Variants in FGF14 observed in about 807,000 individuals in gnomAD.
FGF14 encodes the protein fibroblast growth factor homologous factor 4.
Under a neutral mutation model 25.5 loss-of-function variants are expected in FGF14, and 5 were observed. The observed-to-expected ratio is 0.20, with a 90% CI of 0.10 to 0.41. FGF14 has a LOEUF of 0.41. FGF14 is among the 10% of genes least tolerant of loss of function. The pLI is 1.00. For missense variants in FGF14, 222 were observed against 320.1 expected, an observed-to-expected ratio of 0.69 and a Z score of 2.34; for synonymous variants, 138 against 118.3, an observed-to-expected ratio of 1.17 and a Z score of -1.08.
chr13:102,233,796 C>T (rs1319928620), intron 1 of FGF14, among the ~76,000 whole-genome samples: 1 of 152,210 alleles, frequency 6.6e-6, no homozygotes, highest in East Asian at 1.9e-4. Flanking sequence ...AGGAAGCTTA[C>T]TGTTGTTGAC....
chr13:101,908,243 T>G (rs1392193581), intron 1 of FGF14, among the ~76,000 whole-genome samples: 1 of 152,166 alleles, frequency 6.6e-6, no homozygotes, highest in Non-Finnish European at 1.5e-5. Flanking sequence ...TTCAGCCTTG[T>G]AAGTGCAGGC....
chr13:102,185,783 G>T (rs546634067), intron 1 of FGF14, among the ~76,000 whole-genome samples: 1 of 152,248 alleles, frequency 6.6e-6, no homozygotes, highest in African/African-American at 2.4e-5. Flanking sequence ...CAGTCCCTTG[G>T]CTCACAAATC....
chr13:101,906,937 T>G (rs531301775), intron 1 of FGF14, among the ~76,000 whole-genome samples: 1 of 152,232 alleles, frequency 6.6e-6, no homozygotes, highest in African/African-American at 2.4e-5. Context: ...GAAAATGAAC[T>G]ATGATAAACG....
At chr13:101,840,784 T>C (rs2043158727) in intron 3 of FGF14, among the ~76,000 whole-genome samples, 1 of 152,014 alleles carries the variant, frequency 6.6e-6, no homozygotes, top group African/African-American at 2.4e-5. Flanking sequence ...ATCTTAACTA[T>C]TCAAACCTAT....
intron 1 of FGF14, among the ~76,000 whole-genome samples, chr13:102,240,803 T>G (rs2051561001): frequency 1.3e-5 from 2 of 152,176 alleles, no homozygotes; most frequent in Non-Finnish European, 2.9e-5. Context: ...AGATGCAAAC[T>G]TTAATGGAAT....
In FGF14 at chr13:102,250,810, C is replaced by T. The variant is rs145456183; in HGVS notation, c.208+150661G>A. 1.1e-4 allele frequency among the ~76,000 whole-genome samples: 17 copies of T among 152,242 alleles called. No individual in the cohort carries two copies. In the East Asian group the frequency reaches 2.9e-3, roughly 26 times the overall value. On this transcript the variant is annotated intron_variant, in intron 1 of 4. Transcript: ENST00000376131. ...TTGGCATATTACTAAATCTCTATCC[C>T]GTAAAACATATTTAGGAATGCCTAC...
At chr13:101,880,559 C>A (rs1471843423) in intron 1 of FGF14, among the ~76,000 whole-genome samples, 1 of 152,120 alleles carries the variant, frequency 6.6e-6, no homozygotes, top group Non-Finnish European at 1.5e-5. Context: ...GAGCAAAACT[C>A]CATCTCAAAA....
chr13:101,898,502 T>G (rs544088237), intron 1 of FGF14, among the ~76,000 whole-genome samples: 1 of 152,168 alleles, frequency 6.6e-6, no homozygotes, highest in East Asian at 1.9e-4. Context: ...AAAAAGCTAG[T>G]CAATATTTTT....
chr13:102,352,159 G>A (rs1002894857), intron 1 of FGF14, among the ~76,000 whole-genome samples: 2 of 151,772 alleles, frequency 1.3e-5, no homozygotes, highest in African/African-American at 4.8e-5. Context: ...GTATTACTGA[G>A]CCTTTGAAAT....
chr13:102,263,116 A>C, intron 1 of FGF14: 1 of 627,276 alleles, frequency 1.6e-6, no homozygotes. Flanking sequence ...TTTTCGTCTA[A>C]ATCCACTGGG....
At chr13:101,799,499 A>G (rs1345875435) in intron 3 of FGF14, among the ~76,000 whole-genome samples, 1 of 152,114 alleles carries the variant, frequency 6.6e-6, no homozygotes, top group Non-Finnish European at 1.5e-5. Flanking sequence ...TGCTGGAAAT[A>G]AAGGATTTAA....
At chr13:102,056,583 TACTC>T (rs2042438075) in intron 1 of FGF14, among the ~76,000 whole-genome samples, 1 of 152,098 alleles carries the variant, frequency 6.6e-6, no homozygotes, top group South Asian at 2.1e-4. Context: ...GTTCCATAAA[TACTC>T]ACAATACAGC....
chr13:102,373,246 G>C (rs1393192000), intron 1 of FGF14, among the ~76,000 whole-genome samples: 1 of 152,014 alleles, frequency 6.6e-6, no homozygotes, highest in East Asian at 1.9e-4. Context: ...CAAAATCCAA[G>C]CCTTCACTAT....
rs115340874 is a variant in FGF14 at position 101,734,920 on chromosome 13, T to C, written c.409-8110A>G. ...TTACTTTTTAAGATATGTGATCAATTGCAAAAATGATTCTAATTCTTCATC... is the reference window on the plus strand; with the variant it reads ...TTACTTTTTAAGATATGTGATCAATCGCAAAAATGATTCTAATTCTTCATC... On this transcript the variant is annotated intron_variant, in intron 3 of 4. Transcript: ENST00000376143. Among the ~76,000 whole-genome samples, 1,040 of 152,328 alleles carry C rather than the reference T, an allele frequency of 6.8e-3. 9 individuals carry two copies. The highest frequency in any genetic ancestry group is 0.024 in the African/African-American group (979 of 41,572).
At chr13:102,046,483 G>A (rs1337205487) in intron 1 of FGF14, among the ~76,000 whole-genome samples, 1 of 152,118 alleles carries the variant, frequency 6.6e-6, no homozygotes, top group Non-Finnish European at 1.5e-5. Context: ...GGAGTATGAT[G>A]TTGCGTCAAA....
chr13:102,060,867 T>C (rs1326945208), intron 1 of FGF14, among the ~76,000 whole-genome samples: 1 of 152,006 alleles, frequency 6.6e-6, no homozygotes, highest in African/African-American at 2.4e-5. Context: ...CCATTCTGTG[T>C]CTAAAAAAAC....
intron 1 of FGF14, among the ~76,000 whole-genome samples, chr13:102,332,906 C>A (rs1185578855): frequency 2.6e-5 from 4 of 152,126 alleles, no homozygotes; most frequent in Non-Finnish European, 4.4e-5. Flanking sequence ...CAAATCAGAA[C>A]TAAGACCAGA....
At chr13:101,751,178 C>G (rs2037248273) in intron 3 of FGF14, among the ~76,000 whole-genome samples, 1 of 152,060 alleles carries the variant, frequency 6.6e-6, no homozygotes, top group African/African-American at 2.4e-5. Flanking sequence ...CTAGAGTTAA[C>G]TCTAATGTAA....
chr13:102,152,408 T>C (rs1278764949), intron 1 of FGF14, among the ~76,000 whole-genome samples: 3 of 152,224 alleles, frequency 2.0e-5, no homozygotes, highest in African/African-American at 4.8e-5. Flanking sequence ...CCTTGGTTTG[T>C]AGACACCATT....
Sources: allele counts gnomAD v4.1 joint callset (sites outside exome capture counted in the v4.1 genomes callset), GRCh38; gene constraint gnomAD v4.1.1; transcripts MANE v1.5; gene names NCBI Gene and HGNC (gene_info 2026-07-23, HGNC 2026-07-21).